Variants in KDM4C observed in about 807,000 individuals in gnomAD.
KDM4C encodes lysine demethylase 4C.
A neutral mutation model predicts 129.3 loss-of-function variants in KDM4C; 81 were observed. That is an observed-to-expected ratio of 0.63 (90% CI 0.52 to 0.75). The LOEUF (loss-of-function observed/expected upper bound fraction) is 0.75, where lower values mean the gene tolerates loss of function less well. Among genes scored for constraint, KDM4C ranks in the 30% least tolerant of loss-of-function variants. KDM4C has a pLI of 0.00. For synonymous variants in KDM4C, 573 were observed against 456.1 expected (o/e 1.26, Z -3.26); for missense variants, 1,457 against 1,304.0 (o/e 1.12, Z -1.81).
intron 5 of KDM4C, among the ~76,000 whole-genome samples, chr9:6,865,978 C>A (rs1841893955): frequency 6.6e-6 from 1 of 152,090 alleles, no homozygotes; most frequent in Non-Finnish European, 1.5e-5. Flanking sequence ...TGGTCTCGAT[C>A]TCCTGACCTT....
chr9:6,905,011 A>G (rs1818066713), intron 8 of KDM4C, among the ~76,000 whole-genome samples: 2 of 152,260 alleles, frequency 1.3e-5, no homozygotes, highest in Admixed American at 6.5e-5. Context: ...TGCAATAACC[A>G]TAAAGGATAC....
At chr9:7,051,084 T>A (rs1830094190) in intron 17 of KDM4C, among the ~76,000 whole-genome samples, 1 of 152,196 alleles carries the variant, frequency 6.6e-6, no homozygotes, top group South Asian at 2.1e-4. Context: ...AACTGAGATC[T>A]GTGAAATATT....
At chr9:7,066,295 A>G (rs1174153706) in intron 17 of KDM4C, among the ~76,000 whole-genome samples, 1 of 152,184 alleles carries the variant, frequency 6.6e-6, no homozygotes, top group Non-Finnish European at 1.5e-5. Flanking sequence ...GATGTATGGT[A>G]TCCCCCTCTC....
At chr9:6,826,666 G>C (rs1395149732) in intron 4 of KDM4C, among the ~76,000 whole-genome samples, 1 of 152,088 alleles carries the variant, frequency 6.6e-6, no homozygotes, top group African/African-American at 2.4e-5. Flanking sequence ...AGCAGTTCAA[G>C]ACCAGCCTGG....
At chr9:6,939,687 T>A (rs185324130) in intron 8 of KDM4C, among the ~76,000 whole-genome samples, 383 of 152,322 alleles carry the variant, frequency 2.5e-3, no homozygotes, top group African/African-American at 9.0e-3. Flanking sequence ...ATTTTAAAAT[T>A]GAAGAATAGG....
chr9:7,154,735 G>T (rs1038623834), intron 19 of KDM4C, among the ~76,000 whole-genome samples: 2 of 152,162 alleles, frequency 1.3e-5, no homozygotes, highest in South Asian at 4.1e-4. Context: ...ACTCTTCACC[G>T]TGATTATGAT....
Position 6,849,661 on chromosome 9 carries a change from A to G in KDM4C, c.590A>G (p.Tyr197Cys). ...TGGCACACCGAAGACATGGACCTCT[A>G]TAGCATTAATTATCTCCACTTTGGA... is the stretch of plus-strand genomic sequence containing the variant. ...FAWHTEDMDL[Y>C]SINYLHFGEP... The change falls in exon 5 of 22, where the codon TAT becomes TGT. Residue 197 changes from tyrosine to cysteine, a missense_variant. Tyr to Cys is a radical substitution (Grantham distance 194, BLOSUM62 -2). Coordinates refer to ENST00000381309, the MANE Select transcript of KDM4C (RefSeq NM_015061.6). The G allele has an allele frequency of 6.2e-7, 1 of 1,608,650 alleles. No homozygotes were observed. Among genetic ancestry groups the G allele is most frequent in the Non-Finnish European group, 8.5e-7 (1 of 1,175,894 alleles).
chr9:6,793,222 A>G, intron 2 of KDM4C, 90 bp downstream of exon 2: 7 of 1,446,826 alleles, frequency 4.8e-6, no homozygotes, highest in Non-Finnish European at 6.6e-6. Context: ...ATTGTTTCTG[A>G]AGGAAGAAAT....
rs752889074 is a variant in KDM4C, at chr9:6,984,182, T to G, written c.1132T>G (p.Ser378Ala). Residue 378 changes from serine to alanine, a missense_variant, in exon 10 of 22, where the codon TCT becomes GCT. Transcript: ENST00000381309. ...KASRSFQCAR[S>A]TSKRPKADEE... The stretch of plus-strand genomic sequence containing the variant: ...TGTTGACAGCTTCCAGTGTGCTAGG[T>G]CTACCTCTAAAAGGCCTAAGGCTGA... 1.2e-6 allele frequency: 2 copies of G among 1,613,458 alleles called. No homozygotes were observed. Among genetic ancestry groups the G allele is most frequent in the Admixed American group, 3.3e-5 (2 of 60,010 alleles).
At chr9:6,871,433 A>G (rs985118553) in intron 5 of KDM4C, among the ~76,000 whole-genome samples, 2 of 152,198 alleles carry the variant, frequency 1.3e-5, no homozygotes, top group Non-Finnish European at 1.5e-5. Flanking sequence ...AAATTTATAA[A>G]AGACTTCAGT....
intron 8 of KDM4C, among the ~76,000 whole-genome samples, chr9:6,897,919 T>C (rs1299754333): frequency 6.6e-6 from 1 of 152,230 alleles, no homozygotes; most frequent in Non-Finnish European, 1.5e-5. Flanking sequence ...ATATTTGAGC[T>C]GACTGTTTTC....
chr9:7,051,445 A>G (rs1423386264), intron 17 of KDM4C, among the ~76,000 whole-genome samples: 1 of 152,168 alleles, frequency 6.6e-6, no homozygotes, highest in African/African-American at 2.4e-5. Context: ...TATGTGGGGA[A>G]TGAAACGCAC....
intron 8 of KDM4C, among the ~76,000 whole-genome samples, chr9:6,927,428 C>T (rs1039235681): frequency 2.6e-5 from 4 of 152,142 alleles, no homozygotes; most frequent in African/African-American, 9.7e-5. Context: ...CTGCGCCCAG[C>T]CTCTTTTTTC....
intron 17 of KDM4C, among the ~76,000 whole-genome samples, chr9:7,068,705 T>TTTTTTTTTTTTTTTTA (rs1832783012): frequency 7.8e-6 from 1 of 128,658 alleles, no homozygotes. Context: ...TTTTTTTTTT[T>TTTTTTTTTTTTTTTTA]TTTTTTTTGA....
At chr9:7,111,434 G>C (rs1445336167) in intron 18 of KDM4C, among the ~76,000 whole-genome samples, 1 of 152,182 alleles carries the variant, frequency 6.6e-6, no homozygotes, top group Admixed American at 6.5e-5. Context: ...TTTTGGATGA[G>C]AGATGTGCAA....
At chr9:6,787,757 G>A (rs1825783125) in intron 1 of KDM4C, among the ~76,000 whole-genome samples, 1 of 152,198 alleles carries the variant, frequency 6.6e-6, no homozygotes, top group Non-Finnish European at 1.5e-5. Context: ...GAGCCAGAAT[G>A]TGATTTACAA....
At chr9:6,929,971 C>T (rs1218332940) in intron 8 of KDM4C, among the ~76,000 whole-genome samples, 1 of 152,104 alleles carries the variant, frequency 6.6e-6, no homozygotes, top group Non-Finnish European at 1.5e-5. Context: ...GGATGTTACT[C>T]ACTGTTGATG....
intron 8 of KDM4C, among the ~76,000 whole-genome samples, chr9:6,953,230 C>A (rs960836229): frequency 1.3e-5 from 2 of 152,186 alleles, no homozygotes; most frequent in Non-Finnish European, 2.9e-5. Flanking sequence ...AACAAGACAG[C>A]CTGAGTGTTC....
chr9:6,783,162 C>T (rs1824731390), intron 1 of KDM4C, among the ~76,000 whole-genome samples: 1 of 152,092 alleles, frequency 6.6e-6, no homozygotes, highest in Admixed American at 6.6e-5. Flanking sequence ...GTTTTGTGGT[C>T]CTCTCTGCTT....
Sources: allele counts gnomAD v4.1 joint callset (sites outside exome capture counted in the v4.1 genomes callset), GRCh38; gene constraint gnomAD v4.1.1; transcripts MANE v1.5; gene names NCBI Gene and HGNC (gene_info 2026-07-23, HGNC 2026-07-21).